RBKS: variants seen among roughly 807,000 people sequenced by gnomAD.
RBKS encodes ribokinase.
A neutral mutation model predicts 33.9 loss-of-function variants in RBKS; 33 were observed. The observed-to-expected ratio is 0.97, with a 90% CI of 0.74 to 1.30. The LOEUF (loss-of-function observed/expected upper bound fraction) is 1.30, where lower values mean the gene tolerates loss of function less well. Ranked by LOEUF, RBKS falls within the 50% of genes most tolerant of loss-of-function variation. The pLI, the probability that RBKS is intolerant of heterozygous loss-of-function variation, is 0.00. For missense variants in RBKS, 361 were observed against 392.6 expected (o/e 0.92, Z 0.68); for synonymous variants, 125 against 143.0 (o/e 0.87, Z 0.90).
At chr2:27,854,371 C>T (rs767187514) in intron 2 of RBKS, among the ~76,000 whole-genome samples, 11 of 152,134 alleles carry the variant, frequency 7.2e-5, no homozygotes, top group Admixed American at 2.0e-4. Context: ...CTTAATGTAC[C>T]GAGTTAGGAG....
chr2:27,860,160 T>C (rs1663945054), intron 1 of RBKS, among the ~76,000 whole-genome samples: 2 of 152,214 alleles, frequency 1.3e-5, no homozygotes, highest in Non-Finnish European at 2.9e-5. Context: ...AATATACATC[T>C]AGAAGGTTCA....
intron 7 of RBKS, among the ~76,000 whole-genome samples, chr2:27,809,531 AAAACTAAAATGTCTGTTAGTG>A (rs1677953514): frequency 6.6e-6 from 1 of 152,236 alleles, no homozygotes; most frequent in Non-Finnish European, 1.5e-5. Context: ...AATCGCAATT[AAAACTAAAATGTCTGTTAGTG>A]ATTCACTGAG....
chr2:27,846,686 A>G (rs1470236034), intron 4 of RBKS, among the ~76,000 whole-genome samples: 4 of 152,232 alleles, frequency 2.6e-5, no homozygotes, highest in Non-Finnish European at 5.9e-5. Flanking sequence ...ATACTTACCT[A>G]GTGTAACTGA....
intron 7 of RBKS, among the ~76,000 whole-genome samples, chr2:27,811,412 C>T (rs1677983461): frequency 2.6e-5 from 4 of 152,138 alleles, no homozygotes; most frequent in Admixed American, 2.0e-4. Context: ...GTGGGATGTG[C>T]CTCATTCCAT....
Position 27,856,225 on chromosome 2 carries a change from T to A in RBKS, c.222+2214A>T, listed in dbSNP as rs1408498794. ...TACCCTGGATAGGTTTTAGCTGCAG[T>A]CATGTTTTTTGATCCTCTGCTAGGC... On this transcript the variant is annotated intron_variant, in intron 2 of 7. Transcript: ENST00000302188. Among the ~76,000 whole-genome samples the A allele has an allele frequency of 9.2e-5, 14 of 152,346 alleles. No individual in the cohort carries two copies. The South Asian group carries it at 2.9e-3, about 32-fold the overall frequency.
At chr2:27,836,867 C>A (rs1009017095) in intron 5 of RBKS, among the ~76,000 whole-genome samples, 1 of 152,156 alleles carries the variant, frequency 6.6e-6, no homozygotes, top group African/African-American at 2.4e-5. Flanking sequence ...AGAAGATACA[C>A]GAGTGGGCCA....
chr2:27,783,633 C>T (rs115289288), intron 7 of RBKS, among the ~76,000 whole-genome samples: 1,851 of 152,206 alleles, frequency 0.012, 19 homozygotes, highest in Non-Finnish European at 0.02. Context: ...TTAGGCCGGG[C>T]GCAGTGGCTC....
At chr2:27,789,599 C>G (rs1163317743) in intron 7 of RBKS, among the ~76,000 whole-genome samples, 2 of 151,832 alleles carry the variant, frequency 1.3e-5, no homozygotes, top group African/African-American at 4.8e-5. Flanking sequence ...GAGTCTCACT[C>G]TGTAGCCCAG....
intron 5 of RBKS, among the ~76,000 whole-genome samples, chr2:27,835,297 A>G (rs2148206788): frequency 6.6e-6 from 1 of 152,150 alleles, no homozygotes. Flanking sequence ...AAAAGAAAAA[A>G]AAGAATTATG....
chr2:27,808,868 T>A (rs1440632968), intron 7 of RBKS, among the ~76,000 whole-genome samples: 1 of 152,250 alleles, frequency 6.6e-6, no homozygotes, highest in African/African-American at 2.4e-5. Flanking sequence ...AGCCTGAGCC[T>A]CACCCTCTAG....
At chr2:27,806,337 C>T (rs929970480) in intron 7 of RBKS, among the ~76,000 whole-genome samples, 1 of 152,174 alleles carries the variant, frequency 6.6e-6, no homozygotes, top group African/African-American at 2.4e-5. Flanking sequence ...GTATATCTGG[C>T]CAGGGAAATG....
At chr2:27,783,987 T>TC (rs1405934749) in intron 7 of RBKS, among the ~76,000 whole-genome samples, 7 of 82,684 alleles carry the variant, frequency 8.5e-5, no homozygotes, top group South Asian at 5.3e-4. Context: ...TTTTTTTTTT[T>TC]TTTTTTTTTT....
chr2:27,881,352 T>C (rs567175499), intron 1 of RBKS, among the ~76,000 whole-genome samples: 4 of 151,812 alleles, frequency 2.6e-5, no homozygotes, highest in Non-Finnish European at 5.9e-5. Flanking sequence ...ACCAGCCTGG[T>C]CAACATGGCG....
chr2:27,783,908 GA>G (rs1201425886), intron 7 of RBKS, among the ~76,000 whole-genome samples: 3 of 23,626 alleles, frequency 1.3e-4, no homozygotes, highest in Non-Finnish European at 2.5e-4. Context: ...CTCTGTCTCA[GA>G]AAAAAAAAAA....
chr2:27,874,126 C>G (rs768120469), intron 1 of RBKS, among the ~76,000 whole-genome samples: 5 of 152,042 alleles, frequency 3.3e-5, no homozygotes, highest in Non-Finnish European at 5.9e-5. Context: ...GAAAACTTGT[C>G]CTTGAAGATC....
At chr2:27,782,271 G>A (rs1376770041) in intron 7 of RBKS, among the ~76,000 whole-genome samples, 1 of 151,762 alleles carries the variant, frequency 6.6e-6, no homozygotes, top group Non-Finnish European at 1.5e-5. Context: ...GTGAACCCCT[G>A]GCTGGGCACA....
At chr2:27,788,727 A>G (rs146624507) in intron 7 of RBKS, among the ~76,000 whole-genome samples, 346 of 152,308 alleles carry the variant, frequency 2.3e-3, no homozygotes, top group African/African-American at 8.0e-3. Context: ...TATGTTAGCA[A>G]TGAACAAGAA....
chr2:27,840,105 C>T (rs200569326), intron 5 of RBKS, among the ~76,000 whole-genome samples: 10 of 150,640 alleles, frequency 6.6e-5, no homozygotes, highest in Admixed American at 2.0e-4. Flanking sequence ...CTGCAAGTTC[C>T]GCCTCCTGGG....
intron 1 of RBKS, among the ~76,000 whole-genome samples, chr2:27,883,220 G>A (rs1002099051): frequency 5.0e-5 from 7 of 140,142 alleles, no homozygotes; most frequent in Admixed American, 2.2e-4. Flanking sequence ...TTTTTTTTGA[G>A]ACGGAGTCTC....
Sources: allele counts gnomAD v4.1 joint callset (sites outside exome capture counted in the v4.1 genomes callset), GRCh38; gene constraint gnomAD v4.1.1; transcripts MANE v1.5; gene names NCBI Gene and HGNC (gene_info 2026-07-23, HGNC 2026-07-21).